The following TRERF1 variants were observed in gnomAD, a reference collection of about 807,000 sequenced individuals.
TRERF1 encodes the protein transcriptional regulating factor 1.
In TRERF1, 27 loss-of-function variants were observed where a neutral mutation model predicts 122.9. That is an observed-to-expected ratio of 0.22 (90% CI 0.16 to 0.30). TRERF1 has a LOEUF of 0.30. TRERF1 is among the 10% of genes least tolerant of loss of function. TRERF1 has a pLI of 1.00. For missense variants in TRERF1, 1,248 were observed against 1,560.3 expected (o/e 0.80, Z 3.37); for synonymous variants, 636 against 641.7 (o/e 0.99, Z 0.13).
At chr6:42,435,141 A>G (rs929294675) in intron 2 of TRERF1, among the ~76,000 whole-genome samples, 2 of 149,186 alleles carry the variant, frequency 1.3e-5, no homozygotes, top group Non-Finnish European at 3.0e-5. Context: ...CAAAAAAAAA[A>G]GAAAGAAAGA....
chr6:42,434,455 G>T (rs1279113590), intron 2 of TRERF1, among the ~76,000 whole-genome samples: 1 of 151,434 alleles, frequency 6.6e-6, no homozygotes, highest in Non-Finnish European at 1.5e-5. Flanking sequence ...ACTGACAGAT[G>T]ACTTTTTAAC....
At chr6:42,282,133 T>C (rs1054069240) in intron 4 of TRERF1, among the ~76,000 whole-genome samples, 6 of 152,162 alleles carry the variant, frequency 3.9e-5, no homozygotes, top group African/African-American at 1.4e-4. Flanking sequence ...TAGACAAGTG[T>C]GTATGCTGCA....
chr6:42,335,134 CAG>C (rs1279436772), intron 3 of TRERF1, among the ~76,000 whole-genome samples: 3 of 152,152 alleles, frequency 2.0e-5, no homozygotes, highest in South Asian at 2.1e-4. Context: ...GAGAGTAAAA[CAG>C]AGAAAAAGGA....
At position 42,275,996 on chromosome 6, in the gene TRERF1, T is replaced by G. The variant is rs966185915; in HGVS notation, c.-258-6148A>C. Among the ~76,000 whole-genome samples, 2 of 152,260 alleles carry G rather than the reference T, an allele frequency of 1.3e-5. No homozygotes were observed. The highest frequency in any genetic ancestry group is 2.9e-5 in the Non-Finnish European group (2 of 68,042). On this transcript the variant is annotated intron_variant, in intron 4 of 17. Transcript: ENST00000372922. The surrounding 1 kb of genome is among the most constrained non-coding windows in gnomAD (Gnocchi z 4.1). ...ATTTTCACATGCCAAATTCTGTTCT[T>G]CTTTTGATTTTTCTTCAACCAATTA...
intron 2 of TRERF1, among the ~76,000 whole-genome samples, chr6:42,415,124 T>C (rs1233770156): frequency 6.6e-6 from 1 of 152,236 alleles, no homozygotes; most frequent in African/African-American, 2.4e-5. Flanking sequence ...TTATTGCAGC[T>C]CTGATTTGTA....
intron 3 of TRERF1, among the ~76,000 whole-genome samples, chr6:42,359,616 C>T (rs562061277): frequency 7.2e-5 from 11 of 152,228 alleles, no homozygotes; most frequent in Non-Finnish European, 1.2e-4. Context: ...CCCTGCTACT[C>T]GGGAGGCTCA....
At chr6:42,305,607 G>A (rs1265833314) in intron 3 of TRERF1, among the ~76,000 whole-genome samples, 1 of 142,330 alleles carries the variant, frequency 7.0e-6, no homozygotes, top group Non-Finnish European at 1.5e-5. Flanking sequence ...GACCGAGGAC[G>A]GGGGGTTCAG....
At position 42,236,521 on chromosome 6, in the gene TRERF1, T is replaced by C. The variant is rs984748702; in HGVS notation, c.2860-110A>G. The C allele has an allele frequency of 6.3e-6, 9 of 1,433,868 alleles. No individual in the cohort carries two copies. The African/African-American group carries it at 7.2e-5, about 11-fold the overall frequency. 88.8% of individuals were successfully genotyped at this position (1,433,868 alleles called of 1,614,324 possible). ...AGAGAGGGGCAGGATGCTGGCGCTGTGTTCCTTTCTTTCTGCATAAGGAAT... is the reference window on the plus strand; with the variant it reads ...AGAGAGGGGCAGGATGCTGGCGCTGCGTTCCTTTCTTTCTGCATAAGGAAT... On this transcript the variant is annotated intron_variant, in intron 15 of 17. Coordinates refer to ENST00000372922, the Ensembl canonical transcript of TRERF1.
At chr6:42,294,374 G>A (rs907539166) in intron 4 of TRERF1, among the ~76,000 whole-genome samples, 2 of 151,684 alleles carry the variant, frequency 1.3e-5, no homozygotes, top group East Asian at 1.9e-4. Flanking sequence ...TAGAGACAGG[G>A]TTTCACCATA....
At chr6:42,262,975 A>T (rs1340909090) in intron 8 of TRERF1, among the ~76,000 whole-genome samples, 1 of 152,226 alleles carries the variant, frequency 6.6e-6, no homozygotes, top group Non-Finnish European at 1.5e-5. Flanking sequence ...CCATATTTCA[A>T]TAATGGCTAT....
intron 2 of TRERF1, among the ~76,000 whole-genome samples, chr6:42,369,279 G>A (rs1293737580): frequency 2.0e-5 from 3 of 152,068 alleles, no homozygotes; most frequent in Admixed American, 6.5e-5. Flanking sequence ...GTGAAACCCC[G>A]TCTCTACTAA....
intron 3 of TRERF1, among the ~76,000 whole-genome samples, chr6:42,340,685 T>C (rs549226983): frequency 6.6e-6 from 1 of 152,240 alleles, no homozygotes; most frequent in East Asian, 1.9e-4. Context: ...ACTGCAACTT[T>C]GAACTCCTAG....
exon 18 of TRERF1, chr6:42,225,287 T>C (rs1769373845): frequency 1.3e-5 from 2 of 151,722 alleles, no homozygotes; most frequent in South Asian, 4.2e-4. Flanking sequence ...ACATATGATG[T>C]TTAAATATAA....
At chr6:42,447,310 C>T (rs949752273) in intron 2 of TRERF1, among the ~76,000 whole-genome samples, 2 of 152,052 alleles carry the variant, frequency 1.3e-5, no homozygotes, top group African/African-American at 4.8e-5. Flanking sequence ...TTCTTTAGCC[C>T]AGAAGAAAAG....
chr6:42,341,118 G>A (rs1028109274), intron 3 of TRERF1, among the ~76,000 whole-genome samples: 10 of 152,162 alleles, frequency 6.6e-5, no homozygotes, highest in Non-Finnish European at 1.0e-4. Flanking sequence ...ACTTACCAGC[G>A]GAGCAAGGAG....
At chr6:42,296,160 T>G (rs78693510) in intron 4 of TRERF1, among the ~76,000 whole-genome samples, 98 of 152,218 alleles carry the variant, frequency 6.4e-4, no homozygotes, top group African/African-American at 2.2e-3. Context: ...GGCCAAGATA[T>G]GGAGTGTGGA....
Position 42,263,336 on chromosome 6 carries a change from T to A in TRERF1, c.1868A>T (p.Asp623Val). The A allele has an allele frequency of 6.2e-7, 1 of 1,612,552 alleles. No individual in the cohort carries two copies. The highest frequency in any genetic ancestry group is 1.1e-5 in the South Asian group (1 of 90,540). Reference sequence around the variant, plus strand: ...CATCCTCACGAGCACAGGCATCTCGTCGTCCGACATCGAGCTGGCTGGCTT... The same window carrying A: ...CATCCTCACGAGCACAGGCATCTCGACGTCCGACATCGAGCTGGCTGGCTT... Residue 623 changes from aspartate to valine, a missense_variant, in exon 8 of 18, where the codon GAC becomes GTC. Around this residue, in one of 5 missense-constraint regions of TRERF1, gnomAD observed 946 missense variants for 1,073.0 expected, o/e 0.88. Transcript: ENST00000372922. The surrounding 1 kb of genome is among the most constrained non-coding windows in gnomAD (Gnocchi z 5.6).
chr6:42,271,946 G>A (rs188187326), intron 4 of TRERF1, among the ~76,000 whole-genome samples: 1 of 152,240 alleles, frequency 6.6e-6, no homozygotes, highest in East Asian at 1.9e-4. Context: ...AGAAGAAAAA[G>A]GAACACTGAC....
intron 3 of TRERF1, among the ~76,000 whole-genome samples, chr6:42,336,047 A>G (rs764523476): frequency 1.4e-4 from 22 of 152,174 alleles, no homozygotes; most frequent in Non-Finnish European, 2.6e-4. Context: ...TTCAAGTTGT[A>G]TTTCACTGTA....
Sources: allele counts gnomAD v4.1 joint callset (sites outside exome capture counted in the v4.1 genomes callset), GRCh38; gene constraint gnomAD v4.1.1; regional missense constraint gnomAD v4.1.1; non-coding constraint Gnocchi (gnomAD v3.1); transcripts MANE v1.5; gene names NCBI Gene and HGNC (gene_info 2026-07-23, HGNC 2026-07-21).